SRSF10: variants seen among roughly 807,000 people sequenced by gnomAD.
SRSF10 encodes serine and arginine rich splicing factor 10.
SRSF10 carries 9 observed loss-of-function variants against 32.6 expected under a neutral mutation model. That is an observed-to-expected ratio of 0.28 (90% CI 0.17 to 0.48). SRSF10 has a LOEUF of 0.48. Ranked by LOEUF, SRSF10 falls within the 20% of genes least tolerant of loss-of-function variation. SRSF10 has a pLI of 0.99. For missense variants in SRSF10, 201 were observed against 331.8 expected (o/e 0.61, Z 3.06); for synonymous variants, 105 against 112.4 (o/e 0.93, Z 0.42).
At chr1:23,972,589 C>T (rs201525538) in intron 3 of SRSF10, among the ~76,000 whole-genome samples, 9,590 of 151,660 alleles carry the variant, frequency 0.063, 444 homozygotes, top group East Asian at 0.19. Context: ...ATTACAGGCA[C>T]GCGCCACCAC....
Position 23,971,925 on chromosome 1 carries a change from C to G in SRSF10, c.362G>C (p.Ser121Thr). The change falls in exon 4 of 6, where the codon AGC becomes ACC. Residue 121 changes from serine (S) to threonine (T), a missense_variant. Physicochemically the swap from Ser to Thr is moderately conservative, Grantham distance 58. Coordinates refer to ENST00000492112, the MANE Select transcript of SRSF10 (RefSeq NM_054016.4). ...TGATCTCCTCCTTTCATAACTTCGGCTTCTAGAACGTCTGTATCTGTCATA... is the reference window on the plus strand; with the variant it reads ...TGATCTCCTCCTTTCATAACTTCGGGTTCTAGAACGTCTGTATCTGTCATA... ...DDYDRYRRSRSRSYERRRSRS... is the reference protein window; with the variant it reads ...DDYDRYRRSRTRSYERRRSRS... The G allele has an allele frequency of 6.2e-7, 1 of 1,600,426 alleles. No individual in the cohort carries two copies. Among genetic ancestry groups the G allele is most frequent in the Admixed American group, 1.8e-5 (1 of 55,716 alleles).
chr1:23,971,245 T>C lies in SRSF10; in HGVS notation c.686A>G (p.Lys229Arg). ...AGATTTGGATCTAGGTGGTTCTTTTTTCCTTGATTCCTTTTCATATCTTGA... is the reference window on the plus strand; with the variant it reads ...AGATTTGGATCTAGGTGGTTCTTTTCTCCTTGATTCCTTTTCATATCTTGA... ...SGSRYEKESRKKEPPRSKSQS... is the reference protein window; with the variant it reads ...SGSRYEKESRRKEPPRSKSQS... The change falls in exon 6 of 6, where the codon AAA (lysine) becomes AGA (arginine). Residue 229 changes from lysine (K) to arginine (R), a missense_variant. Physicochemically the swap from Lys to Arg is conservative, Grantham distance 26. Around this residue, in one of 3 missense-constraint regions of SRSF10, gnomAD observed 159 missense variants for 196.7 expected, o/e 0.81. Coordinates refer to ENST00000492112, the MANE Select transcript of SRSF10 (RefSeq NM_054016.4). 1 of 1,614,078 alleles carries C rather than the reference T, an allele frequency of 6.2e-7. No individual in the cohort carries two copies. Among genetic ancestry groups the C allele is most frequent in the Non-Finnish European group, 8.5e-7 (1 of 1,179,946 alleles).
chr1:23,969,546 A>T lies in SRSF10; in HGVS notation c.*1596T>A. ...TTACAGGCAAAGCCTAGATTACTAA[A>T]ACCGAAATTGAAAAAAGTAATCCTC... On this transcript the variant is annotated 3_prime_UTR_variant, in exon 6 of 6. Coordinates refer to ENST00000492112, the MANE Select transcript of SRSF10 (RefSeq NM_054016.4). The T allele has an allele frequency of 1.0e-6, 1 of 985,330 alleles. No individual in the cohort carries two copies. Among genetic ancestry groups the T allele is most frequent in the African/African-American group, 1.7e-5 (1 of 57,368 alleles). 61.0% of individuals were successfully genotyped at this position (985,330 alleles called of 1,614,324 possible). A position where few individuals can be genotyped will look rare whatever the true frequency, so the allele number is the denominator to read the frequency against.
Position 23,967,632 on chromosome 1 carries a change from G to T in SRSF10, c.*3510C>A. On this transcript the variant is annotated 3_prime_UTR_variant, in exon 6 of 6. Coordinates refer to ENST00000492112, the MANE Select transcript of SRSF10 (RefSeq NM_054016.4). The stretch of plus-strand genomic sequence containing the variant: ...CCTTCCACCCACCCTTTGGTCGCTT[G>T]AACTGCCCTTCTTTGGTTCTTTTTC... 1 of 1,369,206 alleles carries T rather than the reference G, an allele frequency of 7.3e-7. No individual in the cohort carries two copies. The highest frequency in any genetic ancestry group is 1.0e-6 in the Non-Finnish European group (1 of 958,266). 84.8% of individuals were successfully genotyped at this position (1,369,206 alleles called of 1,614,324 possible).
At chr1:23,973,555 A>T (rs1245323571) in intron 3 of SRSF10, among the ~76,000 whole-genome samples, 1 of 152,088 alleles carries the variant, frequency 6.6e-6, no homozygotes, top group Non-Finnish European at 1.5e-5. Context: ...TCCTGGGCTC[A>T]GGCAATTCTC....
At position 23,971,218 on chromosome 1, in the gene SRSF10, T is replaced by C; in HGVS notation, c.713A>G (p.Gln238Arg). The change falls in exon 6 of 6, where the codon CAG (glutamine) becomes CGG (arginine). Residue 238 changes from glutamine to arginine, a missense_variant. Around this residue, in one of 3 missense-constraint regions of SRSF10, gnomAD observed 159 missense variants for 196.7 expected, o/e 0.81. Transcript: ENST00000492112. ...RKKEPPRSKS[Q>R]SRSQSRSRSK... ...CCTAGACCTAGACTGTGATCTTGAC[T>C]GAGATTTGGATCTAGGTGGTTCTTT... 6.2e-7 allele frequency: 1 copy of C among 1,614,168 alleles called. No homozygotes were observed. The highest frequency in any genetic ancestry group is 1.1e-5 in the South Asian group (1 of 91,082).
intron 2 of SRSF10, chr1:23,976,417 T>C (rs1642094361): frequency 6.6e-6 from 1 of 152,142 alleles, no homozygotes; most frequent in African/African-American, 2.4e-5. Flanking sequence ...TCTAAATAAC[T>C]GGGCTTTCAA....
Position 23,965,984 on chromosome 1 carries a change from AAT to A in SRSF10, c.*5156_*5157del, listed in dbSNP as rs1237902547. The A allele has an allele frequency of 1.3e-3, 203 of 152,060 alleles. No homozygotes were observed. Among genetic ancestry groups the A allele is most frequent in the African/African-American group, 4.1e-3 (169 of 41,538 alleles). 9.4% of individuals were successfully genotyped at this position (152,060 alleles called of 1,614,324 possible). A position where few individuals can be genotyped will look rare whatever the true frequency, so the allele number is the denominator to read the frequency against. ...ATGAGTGTATAACGGTATACAACAA[AAT>A]ACTTTTTGTAATTAAATCTAGTCAC... On this transcript the variant is annotated 3_prime_UTR_variant, in exon 6 of 6. Transcript: ENST00000492112.
intron 2 of SRSF10, chr1:23,977,864 A>C (rs1024713323): frequency 2.3e-6 from 2 of 879,048 alleles, no homozygotes; most frequent in Non-Finnish European, 2.6e-6. Flanking sequence ...AACTGCTTAC[A>C]AAACATTAAA....
intron 2 of SRSF10, 173 bp downstream of exon 2, chr1:23,978,540 G>T: frequency 1.2e-6 from 1 of 845,790 alleles, no homozygotes; most frequent in Non-Finnish European, 1.7e-6. Context: ...TACCATTTTT[G>T]GATTAACTTT....
At position 23,969,715 on chromosome 1, in the gene SRSF10, C is replaced by T. The variant is rs1641631395; in HGVS notation, c.*1427G>A. 1 of 985,228 alleles carries T rather than the reference C, an allele frequency of 1.0e-6. No homozygotes were observed. 61.0% of individuals were successfully genotyped at this position (985,228 alleles called of 1,614,324 possible). The stretch of plus-strand genomic sequence containing the variant: ...CCCAAAACGATCTTTCAGAGAAATA[C>T]TAGAAATTATAAATGGTTTAAGGGT... On this transcript the variant is annotated 3_prime_UTR_variant, in exon 6 of 6. Transcript: ENST00000492112.
intron 2 of SRSF10, chr1:23,977,428 G>T (rs1034577441): frequency 1.3e-5 from 2 of 152,318 alleles, no homozygotes; most frequent in East Asian, 3.8e-4. Context: ...TGCTAAAGCA[G>T]CGCAGGGCCA....
intron 2 of SRSF10, chr1:23,977,603 G>A (rs1642169268): frequency 2.6e-5 from 4 of 152,194 alleles, no homozygotes. Flanking sequence ...TCTCCTTTAA[G>A]CAGGGCTCTG....
rs1421085466 is a variant in SRSF10, at chr1:23,969,936, A to G, written c.*1206T>C. The stretch of plus-strand genomic sequence containing the variant: ...GGTGTGAAAAGCAGGCCTCCCTCAT[A>G]AAGAGGCAGGCAAATTTTGATACAA... On this transcript the variant is annotated 3_prime_UTR_variant, in exon 6 of 6. Transcript: ENST00000492112. 1 of 985,248 alleles carries G rather than the reference A, an allele frequency of 1.0e-6. No homozygotes were observed. The highest frequency in any genetic ancestry group is 1.7e-5 in the African/African-American group (1 of 57,190). 61.0% of individuals were successfully genotyped at this position (985,248 alleles called of 1,614,324 possible).
Position 23,967,904 on chromosome 1 carries a change from C to G in SRSF10, c.*3238G>C, listed in dbSNP as rs1570760759. On this transcript the variant is annotated 3_prime_UTR_variant, in exon 6 of 6. Coordinates refer to ENST00000492112, the MANE Select transcript of SRSF10 (RefSeq NM_054016.4). ...TTAACAGCTCATACTCTATGTAGCA[C>G]CTTTCCTCTCTCACTGAAGCATTAT... 1 of 1,548,886 alleles carries G rather than the reference C, an allele frequency of 6.5e-7. No individual in the cohort carries two copies. Among genetic ancestry groups the G allele is most frequent in the Non-Finnish European group, 8.7e-7 (1 of 1,146,512 alleles).
rs112665933 is a variant in SRSF10 at position 23,971,864 on chromosome 1, C to A, written c.423G>T (p.Ser141=). The change falls in exon 4 of 6, where the codon TCG becomes TCT. Residue 141 remains serine, a synonymous_variant. Transcript: ENST00000492112. ...AGCACACTTACTTTCTAGGACTATA[C>A]GATCTTCTATAGTTGTAATCAAAAG... ...SRSFDYNYRR[S]YSPRNSRPTG... The A allele has an allele frequency of 1.9e-6, 3 of 1,607,160 alleles. No homozygotes were observed. The highest frequency in any genetic ancestry group is 1.3e-5 in the African/African-American group (1 of 74,352).
Position 23,971,130 on chromosome 1 carries a change from T to C in SRSF10, c.*12A>G, listed in dbSNP as rs1641730738. ...AATGATACATGCCTAAAAATGACCATGGTTTATACTATCAGTGGCCACTGG... is the reference window on the plus strand; with the variant it reads ...AATGATACATGCCTAAAAATGACCACGGTTTATACTATCAGTGGCCACTGG... On this transcript the variant is annotated 3_prime_UTR_variant, in exon 6 of 6. Coordinates refer to ENST00000492112, the MANE Select transcript of SRSF10 (RefSeq NM_054016.4). 3.2e-6 allele frequency: 5 copies of C among 1,578,640 alleles called. 1 individual carries two copies. The highest frequency in any genetic ancestry group is 2.7e-5 in the African/African-American group (2 of 73,092).
At chr1:23,978,534 A>G (rs1642219746) in intron 2 of SRSF10, 179 bp downstream of exon 2, 3 of 827,672 alleles carry the variant, frequency 3.6e-6, no homozygotes, top group Non-Finnish European at 5.1e-6. Context: ...ATATTTTACC[A>G]TTTTTGGATT....
Position 23,970,769 on chromosome 1 carries a change from T to C in SRSF10, c.*373A>G, listed in dbSNP as rs922038772. 4.9e-6 allele frequency: 5 copies of C among 1,027,160 alleles called. No individual in the cohort carries two copies. The South Asian group carries it at 1.1e-4, about 23-fold the overall frequency. 63.6% of individuals were successfully genotyped at this position (1,027,160 alleles called of 1,614,324 possible). A position where few individuals can be genotyped will look rare whatever the true frequency, so the allele number is the denominator to read the frequency against. ...TCACTTTTGTATCATTCTATCTTAT[T>C]AGCAAGCTACATTTCTAGGTTAACA... is the stretch of plus-strand genomic sequence containing the variant. On this transcript the variant is annotated 3_prime_UTR_variant, in exon 6 of 6. Transcript: ENST00000492112.
Sources: allele counts gnomAD v4.1 joint callset (sites outside exome capture counted in the v4.1 genomes callset), GRCh38; gene constraint gnomAD v4.1.1; regional missense constraint gnomAD v4.1.1; transcripts MANE v1.5; gene names NCBI Gene and HGNC (gene_info 2026-07-23, HGNC 2026-07-21).